FYN: variants seen among roughly 807,000 people sequenced by gnomAD.
FYN encodes the protein FYN proto-oncogene, Src family tyrosine kinase.
A neutral mutation model predicts 70.2 loss-of-function variants in FYN; 10 were observed. The ratio of observed to expected loss-of-function variants is 0.14; its 90% CI spans 0.09 to 0.24. FYN has a LOEUF of 0.24. Among genes scored for constraint, FYN ranks in the 10% least tolerant of loss-of-function variants. FYN has a pLI of 1.00. For synonymous variants in FYN, 236 were observed against 248.6 expected, an observed-to-expected ratio of 0.95 and a Z score of 0.48; for missense variants, 319 against 673.1, an observed-to-expected ratio of 0.47 and a Z score of 5.82.
chr6:111,661,725 C>T lies in FYN; in HGVS notation c.*14G>A, dbSNP rs76184566. Reference sequence around the variant, plus strand: ...CAGCCTCTGGGACAAGGCCTCTCTCCGCAGACCCGGGCCTTACAGGTTTTC... The same window carrying T: ...CAGCCTCTGGGACAAGGCCTCTCTCTGCAGACCCGGGCCTTACAGGTTTTC... On this transcript the variant is annotated 3_prime_UTR_variant, in exon 14 of 14. Coordinates refer to ENST00000354650, the MANE Select transcript of FYN (RefSeq NM_002037.5). The surrounding 1 kb of genome is among the most constrained non-coding windows in gnomAD (Gnocchi z 4.0). 1.3e-4 allele frequency: 216 copies of T among 1,609,958 alleles called. 1 individual carries two copies. In the East Asian group the frequency reaches 2.5e-3, roughly 18 times the overall value.
At chr6:111,829,687 T>C (rs1411570152) in intron 2 of FYN, among the ~76,000 whole-genome samples, 3 of 152,364 alleles carry the variant, frequency 2.0e-5, no homozygotes, top group Admixed American at 2.0e-4. Flanking sequence ...GTTATTTAGC[T>C]TCCCTGACTT....
chr6:111,798,049 T>A (rs1335487888), intron 2 of FYN, among the ~76,000 whole-genome samples: 2 of 152,042 alleles, frequency 1.3e-5, no homozygotes, highest in Non-Finnish European at 2.9e-5. Context: ...AGGTGTTGAG[T>A]CACCGTGCCC....
At chr6:111,688,659 A>ATGCAGCGTG (rs1407417223) in intron 12 of FYN, among the ~76,000 whole-genome samples, 1 of 149,556 alleles carries the variant, frequency 6.7e-6, no homozygotes, top group African/African-American at 2.6e-5. Flanking sequence ...GTGTGTGCTC[A>ATGCAGCGTG]TGTGTGCTCA....
chr6:111,734,971 G>C (rs1277309999), intron 3 of FYN, among the ~76,000 whole-genome samples: 1 of 152,124 alleles, frequency 6.6e-6, no homozygotes, highest in African/African-American at 2.4e-5. Context: ...GTAAATCGAG[G>C]GACTCAGGTT....
intron 2 of FYN, among the ~76,000 whole-genome samples, chr6:111,832,401 T>A (rs571753150): frequency 6.6e-6 from 1 of 152,336 alleles, no homozygotes; most frequent in Admixed American, 6.5e-5. Flanking sequence ...TGTGACTTTA[T>A]TAAATTTACT....
chr6:111,670,114 C>T (rs1798198151), intron 13 of FYN, among the ~76,000 whole-genome samples: 1 of 152,160 alleles, frequency 6.6e-6, no homozygotes, highest in Non-Finnish European at 1.5e-5. Flanking sequence ...TCATGTCACT[C>T]TCCTGCTCAA....
chr6:111,721,438 C>T (rs1396910761), intron 3 of FYN, among the ~76,000 whole-genome samples: 5 of 152,170 alleles, frequency 3.3e-5, no homozygotes, highest in African/African-American at 1.2e-4. Context: ...CCGATCCCTC[C>T]TGTGACTTTG....
At chr6:111,667,546 T>C (rs1328839220) in intron 13 of FYN, among the ~76,000 whole-genome samples, 1 of 152,214 alleles carries the variant, frequency 6.6e-6, no homozygotes, top group African/African-American at 2.4e-5. Flanking sequence ...TGAGCCACTA[T>C]ACCTGGTCTT....
intron 12 of FYN, among the ~76,000 whole-genome samples, chr6:111,686,285 C>A (rs530500184): frequency 2.6e-5 from 4 of 152,222 alleles, no homozygotes; most frequent in African/African-American, 9.6e-5. Flanking sequence ...AATGAAGGAG[C>A]TTTTCTGCTT....
At chr6:111,721,446 T>C (rs778143412) in intron 3 of FYN, among the ~76,000 whole-genome samples, 2 of 152,212 alleles carry the variant, frequency 1.3e-5, no homozygotes, top group South Asian at 2.1e-4. Context: ...TCCTGTGACT[T>C]TGAGATGGAG....
At chr6:111,850,167 T>C (rs1773645440) in intron 1 of FYN, among the ~76,000 whole-genome samples, 1 of 152,318 alleles carries the variant, frequency 6.6e-6, no homozygotes, top group Non-Finnish European at 1.5e-5. Context: ...TCATACAGGA[T>C]GAAGGACATT....
intron 2 of FYN, among the ~76,000 whole-genome samples, chr6:111,781,824 A>C (rs572542089): frequency 6.6e-6 from 1 of 152,348 alleles, no homozygotes; most frequent in East Asian, 1.9e-4. Context: ...ATATTTGACA[A>C]AATTGTTATG....
intron 2 of FYN, among the ~76,000 whole-genome samples, chr6:111,842,502 G>A (rs113959652): frequency 1.1e-4 from 17 of 152,186 alleles, no homozygotes; most frequent in African/African-American, 3.9e-4. Context: ...GCATTTGCGC[G>A]GTACACCCCA....
intron 3 of FYN, among the ~76,000 whole-genome samples, chr6:111,731,047 C>A (rs1801424655): frequency 6.6e-6 from 1 of 152,154 alleles, no homozygotes; most frequent in South Asian, 2.1e-4. Context: ...AACACATTAG[C>A]ACAAAGCGGC....
intron 2 of FYN, among the ~76,000 whole-genome samples, chr6:111,783,985 T>C (rs960973798): frequency 6.6e-6 from 1 of 152,240 alleles, no homozygotes; most frequent in African/African-American, 2.4e-5. Context: ...TACCCATTCC[T>C]ACTGCCAGTG....
chr6:111,850,680 T>C (rs1773660606), intron 1 of FYN, among the ~76,000 whole-genome samples: 1 of 152,176 alleles, frequency 6.6e-6, no homozygotes, highest in African/African-American at 2.4e-5. Flanking sequence ...TCCTCAATGC[T>C]CTCTGGCAAC....
intron 3 of FYN, among the ~76,000 whole-genome samples, chr6:111,778,496 G>T (rs1771037459): frequency 6.6e-6 from 1 of 151,916 alleles, no homozygotes; most frequent in African/African-American, 2.4e-5. Context: ...GGACTAGATT[G>T]CTTTTCTTTC....
intron 12 of FYN, among the ~76,000 whole-genome samples, chr6:111,686,848 G>A (rs1280465580): frequency 6.6e-6 from 1 of 152,200 alleles, no homozygotes; most frequent in Admixed American, 6.5e-5. Flanking sequence ...TAATAATTCT[G>A]CAGGAGCCCT....
intron 3 of FYN, among the ~76,000 whole-genome samples, chr6:111,730,589 G>T (rs1333489701): frequency 6.6e-6 from 1 of 152,130 alleles, no homozygotes; most frequent in Non-Finnish European, 1.5e-5. Flanking sequence ...AAGGGGGCCT[G>T]CCCTCGCTCT....
Sources: gnomAD v4.1 joint callset for allele counts (sites outside exome capture counted in the v4.1 genomes callset) on GRCh38, gnomAD v4.1.1 for gene constraint, Gnocchi (gnomAD v3.1) non-coding constraint, MANE v1.5 for transcripts, NCBI Gene and HGNC (gene_info 2026-07-23, HGNC 2026-07-21) for gene names.